ARHGAP15: variants seen among roughly 807,000 people sequenced by gnomAD.
ARHGAP15 encodes the protein rho GTPase-activating protein 15.
In ARHGAP15, 51 loss-of-function variants were observed where a neutral mutation model predicts 63.7. The observed-to-expected ratio is 0.80, with a 90% confidence interval of 0.64 to 1.01. The LOEUF is 1.01. ARHGAP15 is among the 50% of genes least tolerant of loss of function. ARHGAP15 has a pLI of 0.00. For synonymous variants in ARHGAP15, 191 were observed against 193.8 expected (o/e 0.99, Z 0.12); for missense variants, 560 against 564.6 (o/e 0.99, Z 0.08).
At chr2:143,495,548 G>A (rs2104919264) in intron 9 of ARHGAP15, among the ~76,000 whole-genome samples, 1 of 152,160 alleles carries the variant, frequency 6.6e-6, no homozygotes, top group Middle Eastern at 3.4e-3. Flanking sequence ...ATTGTTTAAG[G>A]TGTCTGCCAT....
intron 6 of ARHGAP15, among the ~76,000 whole-genome samples, chr2:143,372,876 T>C (rs914022970): frequency 6.6e-6 from 1 of 152,042 alleles, no homozygotes; most frequent in Non-Finnish European, 1.5e-5. Flanking sequence ...AGATAAAGTA[T>C]GTGCACCTCA....
intron 8 of ARHGAP15, among the ~76,000 whole-genome samples, chr2:143,462,535 G>C (rs1389309837): frequency 6.6e-6 from 1 of 152,148 alleles, no homozygotes; most frequent in Non-Finnish European, 1.5e-5. Flanking sequence ...GTGTGACACT[G>C]TCCTATGCAC....
chr2:143,306,704 C>T (rs1363489631), intron 6 of ARHGAP15, among the ~76,000 whole-genome samples: 6 of 152,040 alleles, frequency 3.9e-5, no homozygotes, highest in African/African-American at 1.4e-4. Context: ...TTTAATTCAC[C>T]CACCTCTTCA....
chr2:143,259,282 A>G (rs898396689), intron 6 of ARHGAP15, among the ~76,000 whole-genome samples: 35 of 152,298 alleles, frequency 2.3e-4, no homozygotes, highest in African/African-American at 8.2e-4. Context: ...CCATCAGAAA[A>G]GAAAATATTT....
chr2:143,171,626 GC>G (rs1690785080), intron 2 of ARHGAP15, among the ~76,000 whole-genome samples: 1 of 152,078 alleles, frequency 6.6e-6, no homozygotes, highest in Non-Finnish European at 1.5e-5. Context: ...GCAAAACTAT[GC>G]TAGTAGTCTT....
chr2:143,370,629 A>G (rs1686508202), intron 6 of ARHGAP15, among the ~76,000 whole-genome samples: 2 of 152,196 alleles, frequency 1.3e-5, no homozygotes, highest in Admixed American at 6.5e-5. Flanking sequence ...CATCTTCTAC[A>G]TCGTTTCTAA....
intron 6 of ARHGAP15, among the ~76,000 whole-genome samples, chr2:143,281,295 G>T (rs1681836586): frequency 6.6e-6 from 1 of 152,046 alleles, no homozygotes; most frequent in Non-Finnish European, 1.5e-5. Flanking sequence ...TACATAGGAA[G>T]GACAGTAATC....
At chr2:143,284,419 G>A (rs573541266) in intron 6 of ARHGAP15, among the ~76,000 whole-genome samples, 1 of 152,290 alleles carries the variant, frequency 6.6e-6, no homozygotes, top group Non-Finnish European at 1.5e-5. Context: ...GCAGCACTCT[G>A]GAAGCAATAT....
rs71404474 is a variant in ARHGAP15, at chr2:143,470,797, C to CATAT, written c.704-16565_704-16562dup. 3.9e-3 allele frequency among the ~76,000 whole-genome samples: 573 copies of CATAT among 147,542 alleles called. 6 individuals are homozygous for CATAT. Among genetic ancestry groups the CATAT allele is most frequent in the African/African-American group, 0.014 (546 of 40,334 alleles). ...ATTCATCCTACTCCAAACAGGTTGG[C>CATAT]ATATATATATATATCCTGCTCCAAA... On this transcript the variant is annotated intron_variant, in intron 8 of 13. Coordinates refer to ENST00000295095, the MANE Select transcript of ARHGAP15 (RefSeq NM_018460.4).
intron 8 of ARHGAP15, among the ~76,000 whole-genome samples, chr2:143,451,639 G>A (rs951871227): frequency 1.3e-5 from 2 of 151,752 alleles, no homozygotes; most frequent in Non-Finnish European, 2.9e-5. Context: ...AAATTTTAAA[G>A]TTTGTTGGTC....
intron 2 of ARHGAP15, among the ~76,000 whole-genome samples, chr2:143,188,613 CATTATTATTATTATTATT>C (rs143767405): frequency 0.045 from 6,357 of 140,822 alleles, 239 homozygotes; most frequent in Middle Eastern, 0.08. Flanking sequence ...ATTATTTTGT[CATTATTATTATTATTATT>C]ATTATTATTA....
chr2:143,704,574 T>A (rs762644982), intron 13 of ARHGAP15, among the ~76,000 whole-genome samples: 131 of 152,268 alleles, frequency 8.6e-4, no homozygotes, highest in Non-Finnish European at 9.4e-4. Flanking sequence ...GTTTGAGAGC[T>A]CTATTTTGGA....
chr2:143,143,982 A>G (rs1204393269), intron 1 of ARHGAP15, among the ~76,000 whole-genome samples: 1 of 151,894 alleles, frequency 6.6e-6, no homozygotes, highest in Non-Finnish European at 1.5e-5. Context: ...ACTTCTCATC[A>G]TTTAGCTCCC....
intron 13 of ARHGAP15, among the ~76,000 whole-genome samples, chr2:143,740,072 A>T (rs564882687): frequency 3.3e-5 from 5 of 152,148 alleles, no homozygotes; most frequent in Non-Finnish European, 2.9e-5. Context: ...TTGAGAGATT[A>T]TGTTTCCACA....
chr2:143,699,857 C>T (rs1684008201), intron 12 of ARHGAP15, among the ~76,000 whole-genome samples: 1 of 152,102 alleles, frequency 6.6e-6, no homozygotes, highest in South Asian at 2.1e-4. Flanking sequence ...TGGTACATTA[C>T]ATACTATCTT....
chr2:143,154,978 G>A (rs1690021293), intron 1 of ARHGAP15, among the ~76,000 whole-genome samples: 1 of 151,810 alleles, frequency 6.6e-6, no homozygotes, highest in Admixed American at 6.6e-5. Context: ...TTGTGAGTGG[G>A]GGTAGGGGCT....
intron 2 of ARHGAP15, among the ~76,000 whole-genome samples, chr2:143,198,124 G>T (rs1040584072): frequency 6.6e-6 from 1 of 151,956 alleles, no homozygotes; most frequent in Non-Finnish European, 1.5e-5. Flanking sequence ...TTTACACTTC[G>T]ATACTTATAA....
At chr2:143,658,079 T>C (rs1420712274) in intron 12 of ARHGAP15, among the ~76,000 whole-genome samples, 2 of 152,230 alleles carry the variant, frequency 1.3e-5, no homozygotes, top group African/African-American at 4.8e-5. Flanking sequence ...ATTTCATCTT[T>C]TAGAGCACTG....
At chr2:143,333,098 A>C (rs1205615295) in intron 6 of ARHGAP15, among the ~76,000 whole-genome samples, 2 of 152,170 alleles carry the variant, frequency 1.3e-5, no homozygotes, top group African/African-American at 4.8e-5. Context: ...TTAAATAACG[A>C]GCAGTTTAAA....
Sources: gnomAD v4.1 joint callset for allele counts (sites outside exome capture counted in the v4.1 genomes callset) on GRCh38, gnomAD v4.1.1 for gene constraint, MANE v1.5 for transcripts, NCBI Gene and HGNC (gene_info 2026-07-23, HGNC 2026-07-21) for gene names.